GTF2IRD1: variants seen among roughly 807,000 people sequenced by gnomAD.
The protein encoded by GTF2IRD1 is general transcription factor II-I repeat domain-containing protein 1.
A neutral mutation model predicts 113.2 loss-of-function variants in GTF2IRD1; 26 were observed. That is an observed-to-expected ratio of 0.23 (90% CI 0.17 to 0.32). GTF2IRD1 has a LOEUF of 0.32. Ranked by LOEUF, GTF2IRD1 falls within the 10% of genes least tolerant of loss-of-function variation. The probability of loss-of-function intolerance (pLI) is 1.00; values close to 1 mark genes in which losing one functional copy is unlikely to be tolerated. For synonymous variants in GTF2IRD1, 484 were observed against 529.1 expected (o/e 0.91, Z 1.17); for missense variants, 864 against 1,280.8 (o/e 0.67, Z 4.97).
Position 74,512,704 on chromosome 7 carries a change from T to C in GTF2IRD1, c.124-126T>C. 1.2e-6 allele frequency: 1 copy of C among 800,732 alleles called. No homozygotes were observed. The highest frequency in any genetic ancestry group is 1.7e-5 in the South Asian group (1 of 57,162). 49.6% of individuals were successfully genotyped at this position (800,732 alleles called of 1,614,324 possible). A position where few individuals can be genotyped will look rare whatever the true frequency, so the allele number is the denominator to read the frequency against. ...GAGACCAAGAACAGTAGAGGGGCCG[T>C]CTGTCCCTGGAGCTGCTGCTGGGGT... On this transcript the variant is annotated intron_variant, in intron 2 of 26. Transcript: ENST00000424337. This position sits in a 1 kb window ranked among gnomAD's most constrained non-coding sequence, Gnocchi z 4.4.
intron 22 of GTF2IRD1, among the ~76,000 whole-genome samples, chr7:74,567,541 G>T (rs1479550876): frequency 2.0e-5 from 3 of 152,020 alleles, no homozygotes; most frequent in Non-Finnish European, 4.4e-5. Context: ...GTGGAATAGT[G>T]GGCTCAAGAG....
chr7:74,480,848 C>G (rs1351630123), intron 1 of GTF2IRD1, among the ~76,000 whole-genome samples: 1 of 152,120 alleles, frequency 6.6e-6, no homozygotes, highest in African/African-American at 2.4e-5. Flanking sequence ...ATGCACAGCC[C>G]GAGCTGAGAG....
intron 22 of GTF2IRD1, among the ~76,000 whole-genome samples, chr7:74,574,021 T>C (rs782791533): frequency 3.9e-5 from 6 of 152,224 alleles, no homozygotes; most frequent in African/African-American, 7.2e-5. Context: ...TGCGCTCTTA[T>C]TGCCCAGGCT....
intron 7 of GTF2IRD1, 24 bp downstream of exon 7, chr7:74,521,321 C>T: frequency 7.0e-7 from 1 of 1,436,024 alleles, no homozygotes; most frequent in Non-Finnish European, 9.8e-7. Flanking sequence ...CACGAAGCAC[C>T]CCGGCCTGAG....
Position 74,602,435 on chromosome 7 carries a change from C to A in GTF2IRD1, c.*2C>A. The A allele has an allele frequency of 6.2e-7, 1 of 1,611,214 alleles. No homozygotes were observed. The highest frequency in any genetic ancestry group is 8.5e-7 in the Non-Finnish European group (1 of 1,177,686). The stretch of plus-strand genomic sequence containing the variant: ...CTCCCGGGACCTCTTAATTACTAGA[C>A]CTCAGTACTGAATCAGGACCTCACT... On this transcript the variant is annotated 3_prime_UTR_variant, in exon 27 of 27. Transcript: ENST00000424337.
chr7:74,519,389 G>A lies in GTF2IRD1; in HGVS notation c.606-20G>A. 6.7e-7 allele frequency: 1 copy of A among 1,491,170 alleles called. No individual in the cohort carries two copies. Among genetic ancestry groups the A allele is most frequent in the Non-Finnish European group, 9.0e-7 (1 of 1,115,412 alleles). 92.4% of individuals were successfully genotyped at this position (1,491,170 alleles called of 1,614,324 possible). A position where few individuals can be genotyped will look rare whatever the true frequency, so the allele number is the denominator to read the frequency against. On this transcript the variant is annotated intron_variant, in intron 5 of 26. Transcript: ENST00000424337. ...GAAACAGATGTACAAAGCTGTCCAT[G>A]TGTCCTCTCCTTTACTCAGGCCACT...
chr7:74,588,217 C>G (rs1801841158), intron 22 of GTF2IRD1, among the ~76,000 whole-genome samples: 1 of 150,648 alleles, frequency 6.6e-6, no homozygotes, highest in South Asian at 2.1e-4. Context: ...AAGCAGTTCT[C>G]CTGTCTCAAT....
intron 6 of GTF2IRD1, among the ~76,000 whole-genome samples, chr7:74,520,698 G>A (rs1012536546): frequency 1.7e-4 from 25 of 147,898 alleles, no homozygotes; most frequent in Non-Finnish European, 4.5e-5. Context: ...TTGGGAGGCT[G>A]AGGTGGAAGG....
chr7:74,545,897 G>T (rs1240823290), intron 16 of GTF2IRD1, 88 bp downstream of exon 16: 4 of 939,016 alleles, frequency 4.3e-6, no homozygotes, highest in African/African-American at 3.2e-5. Flanking sequence ...GCATCCCCTT[G>T]CCTGTTCCCA....
rs185055980 is a variant in GTF2IRD1, at chr7:74,535,977, T to C, written c.1301-190T>C. 9.8e-4 allele frequency among the ~76,000 whole-genome samples: 149 copies of C among 152,294 alleles called. 1 individual carries two copies. Among genetic ancestry groups the C allele is most frequent in the African/African-American group, 3.4e-3 (142 of 41,568 alleles). On this transcript the variant is annotated intron_variant, in intron 10 of 26. Coordinates refer to ENST00000424337, the MANE Select transcript of GTF2IRD1 (RefSeq NM_005685.4). ...TGGCACTAGGGCTGCTGTTCCTCCT[T>C]CTGGCGTCAGAGTCTCTCCCCAGGA...
chr7:74,543,087 G>A (rs762070021), intron 14 of GTF2IRD1, among the ~76,000 whole-genome samples: 50 of 152,094 alleles, frequency 3.3e-4, no homozygotes, highest in Non-Finnish European at 6.5e-4. Flanking sequence ...GGGATCACCT[G>A]AGATCAGGAG....
intron 9 of GTF2IRD1, among the ~76,000 whole-genome samples, chr7:74,530,135 G>A (rs587662099): frequency 7.9e-5 from 12 of 151,980 alleles, no homozygotes; most frequent in South Asian, 6.2e-4. Context: ...TCTTGAACCC[G>A]GGAGGCAGAG....
chr7:74,510,332 G>A (rs1796550964), intron 2 of GTF2IRD1, among the ~76,000 whole-genome samples: 1 of 149,882 alleles, frequency 6.7e-6, no homozygotes, highest in Non-Finnish European at 1.5e-5. Flanking sequence ...TTGGAGATAG[G>A]GTTTTGCTCT....
intron 1 of GTF2IRD1, among the ~76,000 whole-genome samples, chr7:74,471,200 C>A (rs1385761532): frequency 6.6e-6 from 1 of 152,092 alleles, no homozygotes; most frequent in Non-Finnish European, 1.5e-5. Flanking sequence ...AACTGAAATG[C>A]GTTTTGATTA....
intron 1 of GTF2IRD1, among the ~76,000 whole-genome samples, chr7:74,477,748 G>A (rs1166583820): frequency 6.6e-6 from 1 of 151,656 alleles, no homozygotes; most frequent in Non-Finnish European, 1.5e-5. Flanking sequence ...GTAGAGGTCG[G>A]GGAGTGAGCC....
At chr7:74,500,188 C>T (rs1795947720) in intron 1 of GTF2IRD1, among the ~76,000 whole-genome samples, 1 of 152,166 alleles carries the variant, frequency 6.6e-6, no homozygotes. Context: ...CCTTGAACCG[C>T]TGCCACAAAT....
rs74479514 is a variant in GTF2IRD1 at position 74,475,010 on chromosome 7, T to C, written c.-7+20834T>C. Among the ~76,000 whole-genome samples the C allele has an allele frequency of 5.9e-3, 894 of 152,292 alleles. 11 individuals are homozygous for C. The highest frequency in any genetic ancestry group is 0.01 in the Non-Finnish European group (700 of 68,020). ...GGTGGTGTGTGCCTGTAGTCCCAGATACTCAGGAAGGATTTGGGACGATCA... is the reference window on the plus strand; with the variant it reads ...GGTGGTGTGTGCCTGTAGTCCCAGACACTCAGGAAGGATTTGGGACGATCA... On this transcript the variant is annotated intron_variant, in intron 1 of 26. Transcript: ENST00000424337.
intron 13 of GTF2IRD1, 114 bp from the exon 14 acceptor site, chr7:74,539,765 C>T: frequency 1.5e-6 from 1 of 645,210 alleles, no homozygotes; most frequent in Non-Finnish European, 2.7e-6. Flanking sequence ...AAAAAAGAGA[C>T]AGAAAGAAAA....
At chr7:74,517,397 C>CTCTCGG (rs1491111511) in intron 4 of GTF2IRD1, among the ~76,000 whole-genome samples, 5 of 149,828 alleles carry the variant, frequency 3.3e-5, no homozygotes, top group Non-Finnish European at 7.4e-5. Context: ...TCTCTCCCCC[C>CTCTCGG]TCTCGGTCTC....
Sources: allele counts gnomAD v4.1 joint callset (sites outside exome capture counted in the v4.1 genomes callset), GRCh38; gene constraint gnomAD v4.1.1; non-coding constraint Gnocchi (gnomAD v3.1); transcripts MANE v1.5; gene names NCBI Gene and HGNC (gene_info 2026-07-23, HGNC 2026-07-21).